TXNDC16: variants seen among roughly 807,000 people sequenced by gnomAD.
TXNDC16 encodes thioredoxin domain-containing protein 16.
In TXNDC16, 74 loss-of-function variants were observed where a neutral mutation model predicts 85.6. That is an observed-to-expected ratio of 0.86 (90% CI 0.72 to 1.05). The LOEUF is 1.05. Ranked by LOEUF, TXNDC16 falls within the 50% of genes least tolerant of loss-of-function variation. TXNDC16 has a pLI of 0.00. For missense variants in TXNDC16, 959 were observed against 947.0 expected (o/e 1.01, Z -0.17); for synonymous variants, 335 against 326.5 (o/e 1.03, Z -0.28).
At chr14:52,505,915 A>C (rs1301804670) in intron 9 of TXNDC16, among the ~76,000 whole-genome samples, 10 of 152,242 alleles carry the variant, frequency 6.6e-5, no homozygotes, top group East Asian at 1.9e-4. Flanking sequence ...CACAGAAATA[A>C]AAACTACCAT....
intron 20 of TXNDC16, among the ~76,000 whole-genome samples, chr14:52,437,910 A>G (rs1290416370): frequency 1.3e-5 from 2 of 152,214 alleles, no homozygotes; most frequent in Non-Finnish European, 2.9e-5. Context: ...AACAAAGGCA[A>G]TAACAAATGC....
Position 52,519,206 on chromosome 14 carries a change from A to G in TXNDC16, c.480T>C (p.Ile160=), listed in dbSNP as rs1365933839. 1.2e-6 allele frequency: 2 copies of G among 1,611,766 alleles called. No homozygotes were observed. Among genetic ancestry groups the G allele is most frequent in the African/African-American group, 1.3e-5 (1 of 74,986 alleles). ...IENALKGKAN[I]IFSYVRAIGI... ...CAATGGCTCTTACATATGAGAATAT[A>G]ATATTTGCTTTTCCTTTCAGAGCAT... Residue 160 remains isoleucine (I), a synonymous_variant, in exon 7 of 21, where the codon ATT becomes ATC. Coordinates refer to ENST00000281741, the MANE Select transcript of TXNDC16 (RefSeq NM_020784.3).
rs760018637 is a variant in TXNDC16, at chr14:52,536,761, T to C, written c.350A>G (p.Asp117Gly). Residue 117 changes from aspartate (D) to glycine (G), a missense_variant, in exon 6 of 21, where the codon GAC (aspartate) becomes GGC (glycine). By Grantham distance (94) the Asp-to-Gly change is moderately conservative. Transcript: ENST00000281741. ...GNILLREFPTDTLFDVNAIVA... is the reference protein window; with the variant it reads ...GNILLREFPTGTLFDVNAIVA... ...AATGGCATTCACATCAAACAAGGTG[T>C]CAGTAGGGAATTCTCTGAGCAATAT... 6.8e-6 allele frequency: 11 copies of C among 1,611,950 alleles called. No homozygotes were observed. The South Asian group carries it at 1.1e-4, about 16-fold the overall frequency.
intron 3 of TXNDC16, among the ~76,000 whole-genome samples, chr14:52,542,786 T>A (rs529266778): frequency 1.3e-5 from 2 of 152,318 alleles, no homozygotes; most frequent in South Asian, 4.1e-4. Context: ...ACAAAAACTT[T>A]CAAAATGATT....
intron 6 of TXNDC16, among the ~76,000 whole-genome samples, chr14:52,530,341 TTATA>T (rs1317405126): frequency 6.6e-5 from 3 of 45,754 alleles, no homozygotes; most frequent in Non-Finnish European, 1.0e-4. Context: ...TTATATATAA[TTATA>T]TATTATAATA....
chr14:52,462,857 T>A (rs79329980), intron 16 of TXNDC16: 22,634 of 442,582 alleles, frequency 0.051, 755 homozygotes, highest in Middle Eastern at 0.075. Flanking sequence ...TAGGTAGTTG[T>A]AGCCAGAAAG....
intron 20 of TXNDC16, 151 bp downstream of exon 20, chr14:52,439,053 C>T (rs2035101961): frequency 1.3e-6 from 1 of 756,766 alleles, no homozygotes; most frequent in Non-Finnish European, 2.1e-6. Context: ...TGAAGCCTTG[C>T]ACCTTTGGCC....
intron 6 of TXNDC16, among the ~76,000 whole-genome samples, chr14:52,529,981 T>C (rs1427326082): frequency 1.0e-5 from 1 of 100,448 alleles, no homozygotes; most frequent in Non-Finnish European, 1.8e-5. Flanking sequence ...TAACAATATG[T>C]AATATATAAT....
chr14:52,550,065 T>A (rs1001684662), intron 1 of TXNDC16, among the ~76,000 whole-genome samples: 4 of 152,228 alleles, frequency 2.6e-5, no homozygotes, highest in Admixed American at 1.3e-4. Flanking sequence ...ACCAAGCTTT[T>A]CTAGGAAACC....
At chr14:52,460,180 G>C (rs1252186502) in intron 16 of TXNDC16, among the ~76,000 whole-genome samples, 1 of 152,114 alleles carries the variant, frequency 6.6e-6, no homozygotes, top group African/African-American at 2.4e-5. Flanking sequence ...TTTGAGACCA[G>C]CCTGGGTAAC....
intron 9 of TXNDC16, among the ~76,000 whole-genome samples, chr14:52,491,369 TA>T (rs34684742): frequency 0.26 from 28,217 of 110,610 alleles, 2,902 homozygotes; most frequent in African/African-American, 0.29. Flanking sequence ...TTTTTTTTTT[TA>T]AATTTTTTGT....
chr14:52,469,209 T>A (rs538802397), intron 16 of TXNDC16, among the ~76,000 whole-genome samples: 21 of 151,916 alleles, frequency 1.4e-4, no homozygotes, highest in Admixed American at 7.2e-4. Context: ...TAGCTGGGCA[T>A]GGTGGCACAT....
intron 1 of TXNDC16, among the ~76,000 whole-genome samples, chr14:52,551,128 C>T (rs2038035173): frequency 6.6e-6 from 1 of 152,044 alleles, no homozygotes; most frequent in South Asian, 2.1e-4. Context: ...GTCAGCATAC[C>T]TATAAAGAAC....
At chr14:52,495,632 A>C (rs1218047567) in intron 9 of TXNDC16, among the ~76,000 whole-genome samples, 1 of 152,110 alleles carries the variant, frequency 6.6e-6, no homozygotes, top group Non-Finnish European at 1.5e-5. Context: ...CCTCTTTTGC[A>C]TGTGGGAGGG....
intron 16 of TXNDC16, among the ~76,000 whole-genome samples, chr14:52,458,118 A>T (rs189485115): frequency 6.6e-6 from 1 of 152,310 alleles, no homozygotes; most frequent in Admixed American, 6.5e-5. Flanking sequence ...AGCATTCAAC[A>T]TTGTCAACAT....
intron 3 of TXNDC16, 69 bp downstream of exon 3, chr14:52,543,329 A>G (rs1210556346): frequency 3.4e-6 from 5 of 1,486,788 alleles, no homozygotes; most frequent in East Asian, 2.3e-5. Context: ...GAAATTTCCC[A>G]CTGAACTTAC....
chr14:52,519,422 A>G (rs911819171), intron 6 of TXNDC16, 129 bp from the exon 7 acceptor site: 3 of 661,700 alleles, frequency 4.5e-6, no homozygotes, highest in African/African-American at 3.7e-5. Flanking sequence ...GTAATAATGT[A>G]AGCATTTTAA....
At chr14:52,442,874 G>T (rs2035198576) in intron 18 of TXNDC16, among the ~76,000 whole-genome samples, 1 of 152,148 alleles carries the variant, frequency 6.6e-6, no homozygotes. Flanking sequence ...TCCTTTCCTT[G>T]CCTTCAAAGA....
intron 18 of TXNDC16, among the ~76,000 whole-genome samples, chr14:52,453,298 T>G (rs1410961602): frequency 6.6e-6 from 1 of 152,086 alleles, no homozygotes; most frequent in African/African-American, 2.4e-5. Context: ...AAAATAGACA[T>G]ATCTTACCAT....
Sources: gnomAD v4.1 joint callset for allele counts (sites outside exome capture counted in the v4.1 genomes callset) on GRCh38, gnomAD v4.1.1 for gene constraint, MANE v1.5 for transcripts, NCBI Gene and HGNC (gene_info 2026-07-23, HGNC 2026-07-21) for gene names.